Variants in FHIT observed in about 807,000 individuals in gnomAD.
FHIT encodes fragile histidine triad diadenosine triphosphatase, also known as bis(5'-adenosyl)-triphosphatase.
Under a neutral mutation model 17.9 loss-of-function variants are expected in FHIT, and 19 were observed. The observed-to-expected ratio is 1.06, with a 90% CI of 0.74 to 1.56. FHIT has a LOEUF of 1.56. Ranked by LOEUF, FHIT falls within the 40% of genes most tolerant of loss-of-function variation. FHIT has a pLI of 0.00. For synonymous variants in FHIT, 81 were observed against 69.7 expected (o/e 1.16, Z -0.81); for missense variants, 248 against 189.2 (o/e 1.31, Z -1.82).
rs537362921 is a variant in FHIT at position 60,345,312 on chromosome 3, A to G, written c.103+191548T>C. Among the ~76,000 whole-genome samples the G allele has an allele frequency of 1.7e-4, 26 of 152,306 alleles. 1 individual carries two copies. The highest frequency in any genetic ancestry group is 1.6e-3 in the Admixed American group (25 of 15,292). On this transcript the variant is annotated intron_variant, in intron 5 of 9. Transcript: ENST00000492590. The stretch of plus-strand genomic sequence containing the variant: ...CACACCAGGTAACACTAACTCATCA[A>G]TTAGAGACAGCATGAGAACTACTGA...
intron 5 of FHIT, among the ~76,000 whole-genome samples, chr3:60,317,788 CT>C (rs10713144): frequency 0.5 from 69,567 of 138,406 alleles, 19,180 homozygotes; most frequent in East Asian, 0.79. Flanking sequence ...AGTTTTTCTT[CT>C]TTTTTTTTTT....
At chr3:60,964,857 C>G (rs1173153747) in intron 3 of FHIT, among the ~76,000 whole-genome samples, 5 of 152,162 alleles carry the variant, frequency 3.3e-5, no homozygotes, top group African/African-American at 1.2e-4. Context: ...TCTGGCTGCT[C>G]TTAACATTTT....
At chr3:60,627,765 G>A (rs902091723) in intron 4 of FHIT, among the ~76,000 whole-genome samples, 10 of 152,078 alleles carry the variant, frequency 6.6e-5, no homozygotes, top group East Asian at 3.9e-4. Flanking sequence ...CACGTGATCC[G>A]CCCACCTCAG....
At chr3:60,391,006 C>T (rs1052641872) in intron 5 of FHIT, among the ~76,000 whole-genome samples, 65 of 152,116 alleles carry the variant, frequency 4.3e-4, no homozygotes, top group African/African-American at 1.5e-3. Flanking sequence ...ATGGTGAAAC[C>T]TTGTGTGTAT....
intron 3 of FHIT, among the ~76,000 whole-genome samples, chr3:60,844,773 A>G (rs1553745997): frequency 6.6e-6 from 1 of 152,152 alleles, no homozygotes; most frequent in African/African-American, 2.4e-5. Flanking sequence ...AAATGTCTAT[A>G]CAGGTTTAAT....
chr3:60,258,065 TACAC>T lies in FHIT; in HGVS notation c.104-243917_104-243914del, dbSNP rs67553597. ...CTGAACTTAAAAGTTGGAAATTAAA[TACAC>T]ACACACACACACACACACACACACA... On this transcript the variant is annotated intron_variant, in intron 5 of 9. Coordinates refer to ENST00000492590, the MANE Select transcript of FHIT (RefSeq NM_002012.4). Among the ~76,000 whole-genome samples, 323 of 144,582 alleles carry T rather than the reference TACAC, an allele frequency of 2.2e-3. 1 individual carries two copies. The highest frequency in any genetic ancestry group is 6.0e-3 in the African/African-American group (231 of 38,682). 94.9% of individuals were successfully genotyped at this position (144,582 alleles called of 152,430 possible). A position where few individuals can be genotyped will look rare whatever the true frequency, so the allele number is the denominator to read the frequency against.
intron 1 of FHIT, among the ~76,000 whole-genome samples, chr3:61,222,536 G>C (rs902932638): frequency 6.6e-6 from 1 of 152,160 alleles, no homozygotes; most frequent in South Asian, 2.1e-4. Flanking sequence ...GCGTTATTCT[G>C]AGTGATATTC....
chr3:60,169,062 A>C (rs1701306656), intron 5 of FHIT, among the ~76,000 whole-genome samples: 1 of 152,204 alleles, frequency 6.6e-6, no homozygotes, highest in Non-Finnish European at 1.5e-5. Flanking sequence ...CTAGATTGTC[A>C]AAGGATTCTC....
At chr3:60,589,856 A>C (rs1559562261) in intron 4 of FHIT, among the ~76,000 whole-genome samples, 1 of 152,110 alleles carries the variant, frequency 6.6e-6, no homozygotes, top group Non-Finnish European at 1.5e-5. Context: ...CTTGGCAGCT[A>C]TATTTCTCCT....
At chr3:59,930,050 C>G (rs1705890466) in intron 7 of FHIT, among the ~76,000 whole-genome samples, 1 of 152,140 alleles carries the variant, frequency 6.6e-6, no homozygotes, top group Non-Finnish European at 1.5e-5. Context: ...CTTATAAAAC[C>G]TGCTAGAGAA....
rs554110941 is a variant in FHIT at position 60,118,242 on chromosome 3, G to A, written c.104-104090C>T. Among the ~76,000 whole-genome samples the A allele has an allele frequency of 2.0e-5, 3 of 151,686 alleles. No individual in the cohort carries two copies. In the South Asian group the frequency reaches 6.3e-4, roughly 32 times the overall value. Reference sequence around the variant, plus strand: ...CTGCTTCAGCCTCCTGAGTAGCTAAGACCAGAGGTGCACACCACCATATCC... The same window carrying A: ...CTGCTTCAGCCTCCTGAGTAGCTAAAACCAGAGGTGCACACCACCATATCC... On this transcript the variant is annotated intron_variant, in intron 5 of 9. Coordinates refer to ENST00000492590, the MANE Select transcript of FHIT (RefSeq NM_002012.4).
At chr3:61,054,490 A>C (rs2034144275) in intron 2 of FHIT, among the ~76,000 whole-genome samples, 1 of 152,222 alleles carries the variant, frequency 6.6e-6, no homozygotes, top group Non-Finnish European at 1.5e-5. Flanking sequence ...GCTAAGAATT[A>C]TCTTTGCTGA....
intron 4 of FHIT, among the ~76,000 whole-genome samples, chr3:60,647,039 T>C (rs1553686934): frequency 6.6e-6 from 1 of 152,220 alleles, no homozygotes; most frequent in Admixed American, 6.5e-5. Context: ...TTTAATACAA[T>C]ACAGATTTTT....
At chr3:60,840,719 T>C (rs185371887) in intron 3 of FHIT, among the ~76,000 whole-genome samples, 2 of 152,340 alleles carry the variant, frequency 1.3e-5, no homozygotes, top group Middle Eastern at 3.4e-3. Context: ...CTCTTATAAT[T>C]ATGTGACAAA....
intron 1 of FHIT, among the ~76,000 whole-genome samples, chr3:61,238,260 A>G (rs542466415): frequency 1.3e-5 from 2 of 152,350 alleles, no homozygotes; most frequent in Non-Finnish European, 2.9e-5. Context: ...TTTCACTTGC[A>G]TATACTCCCC....
intron 5 of FHIT, among the ~76,000 whole-genome samples, chr3:60,072,850 T>C (rs1443383586): frequency 6.6e-6 from 1 of 152,200 alleles, no homozygotes; most frequent in Non-Finnish European, 1.5e-5. Flanking sequence ...ATGTATGCCT[T>C]CTTTTCCCAG....
chr3:60,813,953 A>G (rs143117195), intron 4 of FHIT, among the ~76,000 whole-genome samples: 1 of 152,150 alleles, frequency 6.6e-6, no homozygotes, highest in East Asian at 1.9e-4. Flanking sequence ...ATTTCCATCA[A>G]TTTATTTTAA....
In FHIT at chr3:60,832,117, G is replaced by A. The variant is rs113322799; in HGVS notation, c.-110-10106C>T. ...ATTTATATAATGCTCATTATGTGCT[G>A]GGCACCATCTAAACATTTTTTTCCC... is the stretch of plus-strand genomic sequence containing the variant. On this transcript the variant is annotated intron_variant, in intron 3 of 9. Coordinates refer to ENST00000492590, the MANE Select transcript of FHIT (RefSeq NM_002012.4). 4.5e-4 allele frequency among the ~76,000 whole-genome samples: 69 copies of A among 151,818 alleles called. 1 individual carries two copies. The highest frequency in any genetic ancestry group is 3.4e-3 in the Middle Eastern group (1 of 294).
chr3:61,024,687 T>C (rs934559785), intron 3 of FHIT, among the ~76,000 whole-genome samples: 11 of 152,198 alleles, frequency 7.2e-5, no homozygotes, highest in African/African-American at 1.2e-4. Context: ...AAAACTGTAA[T>C]TTAAATGAAG....
Sources: allele counts gnomAD v4.1 joint callset (sites outside exome capture counted in the v4.1 genomes callset), GRCh38; gene constraint gnomAD v4.1.1; transcripts MANE v1.5; gene names NCBI Gene and HGNC (gene_info 2026-07-23, HGNC 2026-07-21).